C4orf50: variants seen among roughly 807,000 people sequenced by gnomAD.
The protein encoded by C4orf50 is uncharacterized protein C4orf50.
C4orf50 carries 80 observed loss-of-function variants against 77.2 expected under a neutral mutation model. The observed-to-expected ratio is 1.04, with a 90% CI of 0.87 to 1.25. The LOEUF is 1.25. Among genes scored for constraint, C4orf50 ranks in the 50% most tolerant of loss-of-function variants. The probability of loss-of-function intolerance (pLI) is 0.00; values close to 1 mark genes in which losing one functional copy is unlikely to be tolerated. For synonymous variants in C4orf50, 532 were observed against 465.3 expected, an observed-to-expected ratio of 1.14 and a Z score of -1.84; for missense variants, 1,257 against 1,152.9, an observed-to-expected ratio of 1.09 and a Z score of -1.31.
chr4:5,940,105 AT>A (rs1232161630), intron 7 of C4orf50, among the ~76,000 whole-genome samples: 6 of 152,190 alleles, frequency 3.9e-5, no homozygotes, highest in African/African-American at 1.4e-4. Flanking sequence ...TTAAATATGT[AT>A]ATTTGGCCAC....
At chr4:5,989,675 C>A (rs1162304678) in exon 28 of C4orf50, 6 of 1,536,138 alleles carry the variant, frequency 3.9e-6, no homozygotes, top group Non-Finnish European at 5.2e-6. Context: ...TTGCTCACAG[C>A]CTGTGGATGA....
At chr4:5,959,079 TA>T in exon 34 of C4orf50, 1 of 291,856 alleles carries the variant, frequency 3.4e-6, no homozygotes, top group Non-Finnish European at 6.4e-6. Flanking sequence ...CCTGGGGGGC[TA>T]AAACTGTGCC....
At chr4:5,995,054 GA>G (rs1414941110) in intron 25 of C4orf50, among the ~76,000 whole-genome samples, 1 of 152,158 alleles carries the variant, frequency 6.6e-6, no homozygotes, top group Non-Finnish European at 1.5e-5. Context: ...CCTGCCCATG[GA>G]AAAAATGTCT....
chr4:6,012,964 C>T (rs1468910440), intron 23 of C4orf50, among the ~76,000 whole-genome samples: 2 of 152,230 alleles, frequency 1.3e-5, no homozygotes, highest in African/African-American at 4.8e-5. Context: ...CGCTGGGCAC[C>T]TGCACATCCA....
At chr4:5,971,186 C>T (rs889071211) in intron 31 of C4orf50, among the ~76,000 whole-genome samples, 2 of 152,240 alleles carry the variant, frequency 1.3e-5, no homozygotes, top group Non-Finnish European at 2.9e-5. Context: ...GCCATCCTGG[C>T]AGTCCTCCTG....
In C4orf50 at chr4:5,900,280, G is replaced by A. The variant is rs1716289258; in HGVS notation, c.*2475-2092C>T. On this transcript the variant is annotated intron_variant, in intron 7 of 7. Coordinates refer to the C4orf50 transcript ENST00000324058. This position sits in a 1 kb window ranked among gnomAD's most constrained non-coding sequence, Gnocchi z 4.3. ...AGCTGTAAAAGGACTTGCGTTCCCT[G>A]TTCTCTCCAATGATGGGTAACTAAA... is the stretch of plus-strand genomic sequence containing the variant. The A allele has an allele frequency of 6.6e-6, 1 of 152,110 alleles. No homozygotes were observed. Among genetic ancestry groups the A allele is most frequent in the Admixed American group, 6.6e-5 (1 of 15,266 alleles). The allele number at this position is 152,110 out of a possible 1,614,324, so 9.4% of individuals were successfully genotyped here.
intron 23 of C4orf50, among the ~76,000 whole-genome samples, chr4:6,013,742 C>T (rs553947848): frequency 8.5e-5 from 13 of 152,224 alleles, no homozygotes; most frequent in African/African-American, 2.9e-4. Context: ...GACCAGGAAC[C>T]CAGGAATGCA....
At chr4:5,969,400 A>C (rs1310862059) in intron 31 of C4orf50, among the ~76,000 whole-genome samples, 1 of 150,364 alleles carries the variant, frequency 6.7e-6, no homozygotes, top group Non-Finnish European at 1.5e-5. Flanking sequence ...TTCCATTTCC[A>C]AAAGCCCGCA....
chr4:6,015,846 A>T lies in C4orf50; in HGVS notation c.287+2299T>A, dbSNP rs549413373. On this transcript the variant is annotated intron_variant, in intron 23 of 33. Coordinates refer to ENST00000531445, the Ensembl canonical transcript of C4orf50. This position sits in a 1 kb window ranked among gnomAD's most constrained non-coding sequence, Gnocchi z 4.4. ...CGGCCACACTGCCATCCCTAGACTC[A>T]ACCCTCTCTGTCTCCCTCTCGCAAG... 9.2e-5 allele frequency among the ~76,000 whole-genome samples: 14 copies of T among 152,276 alleles called. No individual in the cohort carries two copies. Among genetic ancestry groups the T allele is most frequent in the African/African-American group, 3.1e-4 (13 of 41,554 alleles).
rs761892306 is a variant in C4orf50 at position 5,970,759 on chromosome 4, G to A, written c.4104+2900C>T. Among the ~76,000 whole-genome samples, 144 of 152,318 alleles carry A rather than the reference G, an allele frequency of 9.5e-4. No individual in the cohort carries two copies. The highest frequency in any genetic ancestry group is 1.7e-3 in the Non-Finnish European group (115 of 68,020). On this transcript the variant is annotated intron_variant, in intron 31 of 33. Transcript: ENST00000531445. The surrounding 1 kb of genome is among the most constrained non-coding windows in gnomAD (Gnocchi z 4.3). ...CAGGCCACGCCACCTCCTCCTGAAAGGGTAGAGCTTAGTGGCCTCAGCCCA... is the reference window on the plus strand; with the variant it reads ...CAGGCCACGCCACCTCCTCCTGAAAAGGTAGAGCTTAGTGGCCTCAGCCCA...
At position 5,916,890 on chromosome 4, in the gene C4orf50, A is replaced by G. The variant is rs1238836704; in HGVS notation, c.*2475-18702T>C. Among the ~76,000 whole-genome samples, 1 of 152,202 alleles carries G rather than the reference A, an allele frequency of 6.6e-6. No homozygotes were observed. Among genetic ancestry groups the G allele is most frequent in the Non-Finnish European group, 1.5e-5 (1 of 68,028 alleles). ...AAGCACTGCAGCTGAGAGCAGAGGC[A>G]GGCTGGGGACAGTGCCATCGGGCCC... On this transcript the variant is annotated intron_variant, in intron 7 of 7. Transcript: ENST00000324058. The surrounding 1 kb of genome is among the most constrained non-coding windows in gnomAD (Gnocchi z 4.4).
chr4:5,936,576 A>G (rs1577907574), intron 7 of C4orf50, among the ~76,000 whole-genome samples: 1 of 150,804 alleles, frequency 6.6e-6, no homozygotes, highest in South Asian at 2.1e-4. Context: ...AAAAAAAAAA[A>G]AAAAAAAGAA....
chr4:5,995,715 C>T (rs111849298), intron 25 of C4orf50, among the ~76,000 whole-genome samples: 32 of 152,292 alleles, frequency 2.1e-4, no homozygotes, highest in African/African-American at 7.2e-4. Flanking sequence ...AGCCTGTATA[C>T]GGTAGGTGCT....
At chr4:5,946,358 G>T (rs891922988) in intron 7 of C4orf50, among the ~76,000 whole-genome samples, 1 of 152,208 alleles carries the variant, frequency 6.6e-6, no homozygotes, top group Admixed American at 6.5e-5. Context: ...CACCCCCTGT[G>T]CTGAATATGA....
At position 5,959,245 on chromosome 4, in the gene C4orf50, G is replaced by A; in HGVS notation, c.*130C>T. 4 of 1,107,346 alleles carry A rather than the reference G, an allele frequency of 3.6e-6. No individual in the cohort carries two copies. In the Admixed American group the frequency reaches 9.2e-5, roughly 25 times the overall value. The allele number at this position is 1,107,346 out of a possible 1,614,324, so 68.6% of individuals were successfully genotyped here. ...CTGACAATGAACACAAAATCCCAAA[G>A]CCGAAGGCAAAACCACTTGCCACTA... On this transcript the variant is annotated 3_prime_UTR_variant, in exon 34 of 34. Coordinates refer to ENST00000531445, the Ensembl canonical transcript of C4orf50.
chr4:6,003,090 G>T (rs1721906913), intron 25 of C4orf50, among the ~76,000 whole-genome samples: 2 of 152,188 alleles, frequency 1.3e-5, no homozygotes, highest in African/African-American at 4.8e-5. Flanking sequence ...TCAGCTCCTT[G>T]GCCCAGACAG....
chr4:5,900,514 A>G lies in C4orf50; in HGVS notation c.*2475-2326T>C, dbSNP rs1262316164. 6.6e-6 allele frequency: 1 copy of G among 152,240 alleles called. No homozygotes were observed. Among genetic ancestry groups the G allele is most frequent in the Non-Finnish European group, 1.5e-5 (1 of 68,048 alleles). The allele number at this position is 152,240 out of a possible 1,614,324, so 9.4% of individuals were successfully genotyped here. A position where few individuals can be genotyped will look rare whatever the true frequency, so the allele number is the denominator to read the frequency against. ...CGAAATGCAGGCATGAATTCCACAC[A>G]AAATGAAAGAATTCCTTAAACTAAC... is the stretch of plus-strand genomic sequence containing the variant. On this transcript the variant is annotated intron_variant, in intron 7 of 7. Transcript: ENST00000324058. The surrounding 1 kb of genome is among the most constrained non-coding windows in gnomAD (Gnocchi z 4.3).
intron 31 of C4orf50, among the ~76,000 whole-genome samples, chr4:5,972,008 ATTTT>A (rs33971925): frequency 2.1e-5 from 3 of 140,112 alleles, no homozygotes; most frequent in South Asian, 2.3e-4. Context: ...TCTGCTTTCG[ATTTT>A]TTTTTTTTTT....
downstream of C4orf50, among the ~76,000 whole-genome samples, chr4:5,954,053 C>A (rs558101997): frequency 6.8e-4 from 104 of 152,340 alleles, no homozygotes; most frequent in African/African-American, 2.3e-3. This position sits in a 1 kb window ranked among gnomAD's most constrained non-coding sequence, Gnocchi z 4.7. Flanking sequence ...CTCTTTGGCT[C>A]CTGCTGCCTG....
Sources: gnomAD v4.1 joint callset for allele counts (sites outside exome capture counted in the v4.1 genomes callset) on GRCh38, gnomAD v4.1.1 for gene constraint, Gnocchi (gnomAD v3.1) non-coding constraint, MANE v1.5 for transcripts, NCBI Gene and HGNC (gene_info 2026-07-23, HGNC 2026-07-21) for gene names.